MTOR: variants seen among roughly 807,000 people sequenced by gnomAD.
The protein encoded by MTOR is serine/threonine-protein kinase mTOR.
In MTOR, 70 loss-of-function variants were observed where a neutral mutation model predicts 319.8. That is an observed-to-expected ratio of 0.22 (90% CI 0.18 to 0.27). The LOEUF (loss-of-function observed/expected upper bound fraction) is 0.27. Among genes scored for constraint, MTOR ranks in the 10% least tolerant of loss-of-function variants. The probability of loss-of-function intolerance (pLI) is 1.00; values close to 1 mark genes in which losing one functional copy is unlikely to be tolerated. For missense variants in MTOR, 1,890 were observed against 3,274.4 expected, an observed-to-expected ratio of 0.58 and a Z score of 10.32; for synonymous variants, 1,183 against 1,211.4, an observed-to-expected ratio of 0.98 and a Z score of 0.49.
In MTOR at chr1:11,240,370, G is replaced by T. The variant is rs1453767382; in HGVS notation, c.1719C>A (p.Leu573=). Residue 573 remains leucine, a synonymous_variant, in exon 11 of 58, where the codon CTC becomes CTA. Transcript: ENST00000361445. Reference sequence around the variant, plus strand: ...TGCTGCCCACATCGCTGGCCTCAGGGAGGGTCGTGAGGCCAGGAGAGGCCA... The same window carrying T: ...TGCTGCCCACATCGCTGGCCTCAGGTAGGGTCGTGAGGCCAGGAGAGGCCA... ...HQLASPGLTT[L]PEASDVGSIT... 6.2e-7 allele frequency: 1 copy of T among 1,613,934 alleles called. No homozygotes were observed. The highest frequency in any genetic ancestry group is 1.7e-5 in the Admixed American group (1 of 59,988).
chr1:11,230,951 GAC>G lies in MTOR; in HGVS notation c.2751_2752del (p.Ser918ArgfsTer10). 1 of 1,614,056 alleles carries G rather than the reference GAC, an allele frequency of 6.2e-7. No individual in the cohort carries two copies. The highest frequency in any genetic ancestry group is 8.5e-7 in the Non-Finnish European group (1 of 1,180,018). ...GGAATCCTGACTTGACTTGGATTCT[GAC>G]AGGCTGACAGCAGAGGCATCCCGGG... On this transcript the variant is annotated frameshift_variant, in exon 18 of 58. Coordinates refer to ENST00000361445, the MANE Select transcript of MTOR (RefSeq NM_004958.4). LOFTEE classifies it high-confidence loss of function.
rs575044556 is a variant in MTOR, at chr1:11,231,125, T to G, written c.2650-71A>C. 7.5e-6 allele frequency: 12 copies of G among 1,608,936 alleles called. No individual in the cohort carries two copies. The Middle Eastern group carries it at 6.6e-4, about 89-fold the overall frequency. On this transcript the variant is annotated intron_variant, in intron 17 of 57. Transcript: ENST00000361445. The stretch of plus-strand genomic sequence containing the variant: ...TGATTACAACAAGTATCACGGATAC[T>G]CCTCTCAGGTTACATAATCCCCAGT...
intron 31 of MTOR, among the ~76,000 whole-genome samples, chr1:11,147,611 A>G (rs999903691): frequency 1.3e-5 from 2 of 152,184 alleles, no homozygotes; most frequent in Non-Finnish European, 2.9e-5. Flanking sequence ...ATAGCTAACA[A>G]TGACTCCTCA....
At chr1:11,136,475 CTTTAAT>C (rs1045131972) in intron 36 of MTOR, among the ~76,000 whole-genome samples, 45 of 151,992 alleles carry the variant, frequency 3.0e-4, no homozygotes, top group African/African-American at 1.1e-3. Flanking sequence ...ATAAATGTTC[CTTTAAT>C]TTTAATTTTT....
chr1:11,181,442 T>C (rs1440801138), intron 28 of MTOR, among the ~76,000 whole-genome samples: 1 of 152,148 alleles, frequency 6.6e-6, no homozygotes, highest in Non-Finnish European at 1.5e-5. Flanking sequence ...AGAGAACTGC[T>C]TGAATCCAGG....
intron 6 of MTOR, among the ~76,000 whole-genome samples, chr1:11,250,310 C>T (rs1335207820): frequency 2.0e-5 from 3 of 151,390 alleles, no homozygotes; most frequent in Non-Finnish European, 4.4e-5. Flanking sequence ...GGCGGCTGGC[C>T]GGGCAGAGGG....
intron 18 of MTOR, among the ~76,000 whole-genome samples, chr1:11,230,442 G>A (rs987066420): frequency 3.3e-5 from 5 of 152,100 alleles, no homozygotes; most frequent in African/African-American, 1.2e-4. Context: ...TGCAGCTCTT[G>A]GGCCAGACCA....
At chr1:11,116,424 C>G (rs1557741394) in intron 50 of MTOR, among the ~76,000 whole-genome samples, 1 of 152,194 alleles carries the variant, frequency 6.6e-6, no homozygotes, top group East Asian at 1.9e-4. Flanking sequence ...AAGTGATCCT[C>G]CTACCTCAGC....
chr1:11,232,413 A>G lies in MTOR; in HGVS notation c.2514+23T>C, dbSNP rs1424614226. ...TGGACTCATGGGGTCTGTCTTGCTC[A>G]ATCAGGAAGCAGTAATACTCACCTG... On this transcript the variant is annotated intron_variant, in intron 16 of 57. Transcript: ENST00000361445. 4 of 1,588,504 alleles carry G rather than the reference A, an allele frequency of 2.5e-6. No homozygotes were observed. In the South Asian group the frequency reaches 3.3e-5, roughly 13 times the overall value.
intron 29 of MTOR, among the ~76,000 whole-genome samples, chr1:11,161,172 G>A (rs1644465968): frequency 6.6e-6 from 1 of 152,210 alleles, no homozygotes; most frequent in Non-Finnish European, 1.5e-5. Context: ...CACGCCCACG[G>A]AGCCTTGCTC....
At chr1:11,247,416 A>G (rs533124943) in intron 8 of MTOR, among the ~76,000 whole-genome samples, 3 of 152,360 alleles carry the variant, frequency 2.0e-5, no homozygotes, top group African/African-American at 7.2e-5. Context: ...GCTTGGCCAT[A>G]GAATTGCCTC....
At chr1:11,139,894 C>T (rs965438822) in intron 34 of MTOR, among the ~76,000 whole-genome samples, 1 of 152,078 alleles carries the variant, frequency 6.6e-6, no homozygotes. Flanking sequence ...GTTTCAGCAT[C>T]TTGGCCAGGC....
chr1:11,114,232 C>T (rs2100312964), intron 53 of MTOR, 86 bp downstream of exon 53: 1 of 1,548,552 alleles, frequency 6.5e-7, no homozygotes, highest in Non-Finnish European at 8.8e-7. Context: ...TGGCCTCAAG[C>T]AACTCCTCTG....
chr1:11,240,515 C>T lies in MTOR; in HGVS notation c.1574G>A (p.Ser525Asn). Residue 525 changes from serine to asparagine, a missense_variant, in exon 11 of 58, where the codon AGC becomes AAC. By Grantham distance (46) the Ser-to-Asn change is conservative. Transcript: ENST00000361445. Reference sequence around the variant, plus strand: ...CTTCTTTAGCTGTGGAATCTGACGGCTCAGGTCGTAGAGCACTGCAGTGAG... The same window carrying T: ...CTTCTTTAGCTGTGGAATCTGACGGTTCAGGTCGTAGAGCACTGCAGTGAG... ...PALTAVLYDL[S>N]RQIPQLKKDI... 6.2e-7 allele frequency: 1 copy of T among 1,614,154 alleles called. No individual in the cohort carries two copies. The highest frequency in any genetic ancestry group is 8.5e-7 in the Non-Finnish European group (1 of 1,180,022).
At chr1:11,215,336 G>A (rs1182159510) in intron 20 of MTOR, among the ~76,000 whole-genome samples, 1 of 152,148 alleles carries the variant, frequency 6.6e-6, no homozygotes. Flanking sequence ...GAATAGAGCA[G>A]CTTTTAATTA....
chr1:11,231,131 C>G (rs747411531), intron 17 of MTOR, 77 bp from the exon 18 acceptor site: 112 of 1,607,218 alleles, frequency 7.0e-5, no homozygotes, highest in Non-Finnish European at 9.2e-5. Flanking sequence ...ATACTCCTCT[C>G]AGGTTACATA....
At chr1:11,145,212 G>A (rs1643892710) in intron 32 of MTOR, 167 bp from the exon 33 acceptor site, 8 of 623,934 alleles carry the variant, frequency 1.3e-5, no homozygotes, top group Non-Finnish European at 1.7e-5. Flanking sequence ...GGCTTGAGAG[G>A]AGGTATTATC....
chr1:11,159,658 T>A (rs1001765056), intron 29 of MTOR, among the ~76,000 whole-genome samples: 2 of 150,902 alleles, frequency 1.3e-5, no homozygotes, highest in Non-Finnish European at 3.0e-5. Context: ...AAAAAAAAGA[T>A]AATATGTGCT....
intron 38 of MTOR, chr1:11,131,770 G>T (rs1643173070): frequency 6.6e-6 from 1 of 152,248 alleles, no homozygotes; most frequent in Admixed American, 6.5e-5. Flanking sequence ...ACTTTGCAGT[G>T]ATAGTAGGAC....
Sources: gnomAD v4.1 joint callset for allele counts (sites outside exome capture counted in the v4.1 genomes callset) on GRCh38, gnomAD v4.1.1 for gene constraint, MANE v1.5 for transcripts, NCBI Gene and HGNC (gene_info 2026-07-23, HGNC 2026-07-21) for gene names.